The following FAF1 variants were observed in gnomAD, a reference collection of about 807,000 sequenced individuals.
FAF1 encodes Fas associated factor 1, also known as FAS-associated factor 1.
Under a neutral mutation model 92.5 loss-of-function variants are expected in FAF1, and 25 were observed. The observed-to-expected ratio is 0.27, with a 90% confidence interval of 0.20 to 0.38. The LOEUF (loss-of-function observed/expected upper bound fraction) is 0.38, where lower values mean the gene tolerates loss of function less well. Ranked by LOEUF, FAF1 falls within the 10% of genes least tolerant of loss-of-function variation. The pLI is 1.00. For missense variants in FAF1, 636 were observed against 793.3 expected (o/e 0.80, Z 2.38); for synonymous variants, 234 against 273.2 (o/e 0.86, Z 1.42).
chr1:50,924,163 A>G (rs1644986599), intron 1 of FAF1, among the ~76,000 whole-genome samples: 1 of 152,196 alleles, frequency 6.6e-6, no homozygotes, highest in Non-Finnish European at 1.5e-5. Flanking sequence ...TACATATAGA[A>G]AACCTAACAC....
chr1:50,952,055 A>G (rs1210761360), intron 1 of FAF1, among the ~76,000 whole-genome samples: 2 of 152,360 alleles, frequency 1.3e-5, no homozygotes, highest in East Asian at 3.9e-4. Context: ...TCAAAGACCC[A>G]TGGTGATAAC....
chr1:50,644,051 C>A (rs181932484), intron 8 of FAF1, among the ~76,000 whole-genome samples: 17 of 152,272 alleles, frequency 1.1e-4, no homozygotes, highest in Admixed American at 3.9e-4. Context: ...ATGTCTGTTT[C>A]TTTTGACTGA....
rs1387648553 is a variant in FAF1, at chr1:50,550,732, C to A, written c.1269-11004G>T. 2.0e-5 allele frequency among the ~76,000 whole-genome samples: 3 copies of A among 152,162 alleles called. No individual in the cohort carries two copies. The East Asian group carries it at 5.8e-4, about 29-fold the overall frequency. The stretch of plus-strand genomic sequence containing the variant: ...TACAGGGGATTTATATTTTAAAAAA[C>A]TATTTAAAATAATCTGTCTTCTGCA... On this transcript the variant is annotated intron_variant, in intron 13 of 18. Transcript: ENST00000396153.
At chr1:50,457,942 G>A (rs898351393) in intron 18 of FAF1, among the ~76,000 whole-genome samples, 7 of 151,566 alleles carry the variant, frequency 4.6e-5, no homozygotes, top group East Asian at 1.9e-4. Context: ...GACCGGGCGC[G>A]GTGGCTCACA....
chr1:50,798,034 A>G (rs1661827833), intron 3 of FAF1, among the ~76,000 whole-genome samples: 1 of 152,086 alleles, frequency 6.6e-6, no homozygotes, highest in African/African-American at 2.4e-5. Context: ...TCAATTCTTT[A>G]AAGTCCATGC....
intron 1 of FAF1, among the ~76,000 whole-genome samples, chr1:50,952,571 C>T (rs10158708): frequency 6.6e-6 from 1 of 152,108 alleles, no homozygotes. Flanking sequence ...GGCCACCCAT[C>T]GTCTGGGATG....
At chr1:50,455,416 T>C (rs915879770) in intron 18 of FAF1, among the ~76,000 whole-genome samples, 1 of 152,234 alleles carries the variant, frequency 6.6e-6, no homozygotes, top group Non-Finnish European at 1.5e-5. Context: ...CCTTGGCTTA[T>C]AGAAGCCTCC....
At chr1:50,917,567 CAAGGAAAGGAAAAAGGAAAGGA>C (rs900408537) in intron 1 of FAF1, among the ~76,000 whole-genome samples, 1 of 139,972 alleles carries the variant, frequency 7.1e-6, no homozygotes, top group African/African-American at 2.7e-5. Flanking sequence ...AGTTAGAAGC[CAAGGAAAGGAAAAAGGAAAGGA>C]AAAGAAAGGA....
intron 4 of FAF1, among the ~76,000 whole-genome samples, chr1:50,750,502 A>T (rs1659812293): frequency 6.6e-6 from 1 of 152,072 alleles, no homozygotes; most frequent in Admixed American, 6.6e-5. Flanking sequence ...CTTTCCTCAT[A>T]CATTCTTAGA....
At chr1:50,783,593 G>T (rs1473335265) in intron 4 of FAF1, among the ~76,000 whole-genome samples, 1 of 152,150 alleles carries the variant, frequency 6.6e-6, no homozygotes, top group Non-Finnish European at 1.5e-5. Context: ...AAAAAAATCG[G>T]CCAGGCGCGG....
Position 50,567,216 on chromosome 1 carries a change from TA to T in FAF1, c.1128del (p.Ile377SerfsTer10). The part of the protein sequence containing the change: ...YVKARDRKLL[A>X]IYLHHDESVL... Reference sequence around the variant, plus strand: ...ACACTTTCATCATGGTGGAGGTAGATAGCAAGAAGCTTTCTCTGAAAAGAGG... The same window carrying T: ...ACACTTTCATCATGGTGGAGGTAGATGCAAGAAGCTTTCTCTGAAAAGAGG... On this transcript the variant is annotated frameshift_variant, in exon 13 of 19. Coordinates refer to ENST00000396153, the MANE Select transcript of FAF1 (RefSeq NM_007051.3). LOFTEE classifies it high-confidence loss of function. 6.2e-7 allele frequency: 1 copy of T among 1,600,956 alleles called. No homozygotes were observed. The highest frequency in any genetic ancestry group is 8.5e-7 in the Non-Finnish European group (1 of 1,173,486).
chr1:50,748,352 C>A (rs1210108672), intron 4 of FAF1, among the ~76,000 whole-genome samples: 2 of 151,974 alleles, frequency 1.3e-5, no homozygotes, highest in South Asian at 2.1e-4. Flanking sequence ...AAAAAATTAG[C>A]CAGGCGTGGT....
chr1:50,499,796 C>G (rs377131911), intron 15 of FAF1, among the ~76,000 whole-genome samples: 1 of 151,940 alleles, frequency 6.6e-6, no homozygotes, highest in African/African-American at 2.4e-5. Flanking sequence ...GGAGAAAGAA[C>G]AAAGAAATTT....
intron 8 of FAF1, among the ~76,000 whole-genome samples, chr1:50,617,873 G>A (rs1653002264): frequency 6.6e-6 from 1 of 151,904 alleles, no homozygotes; most frequent in African/African-American, 2.4e-5. Flanking sequence ...ATTTCTTCCT[G>A]ATTCAACCTT....
chr1:50,837,362 T>C (rs935069897), intron 2 of FAF1, among the ~76,000 whole-genome samples: 2 of 152,166 alleles, frequency 1.3e-5, no homozygotes, highest in African/African-American at 4.8e-5. Flanking sequence ...TGGAACAACT[T>C]CCCCACCTTT....
chr1:50,634,484 G>A (rs889701374), intron 8 of FAF1, among the ~76,000 whole-genome samples: 22 of 152,178 alleles, frequency 1.4e-4, no homozygotes, highest in African/African-American at 4.8e-4. Flanking sequence ...ATGTTAGCTT[G>A]CAAACACAAA....
chr1:50,525,920 A>C (rs1450196954), intron 15 of FAF1, among the ~76,000 whole-genome samples: 1 of 152,184 alleles, frequency 6.6e-6, no homozygotes, highest in East Asian at 1.9e-4. Context: ...TTCATTGGTA[A>C]AGAAGCTGAC....
chr1:50,521,225 C>T (rs139764105), intron 15 of FAF1, among the ~76,000 whole-genome samples: 9 of 152,002 alleles, frequency 5.9e-5, no homozygotes, highest in Non-Finnish European at 1.0e-4. Flanking sequence ...AGTAGTAGTC[C>T]CTCAGTTTAG....
intron 13 of FAF1, among the ~76,000 whole-genome samples, chr1:50,550,185 C>G (rs183454687): frequency 6.6e-6 from 1 of 151,630 alleles, no homozygotes; most frequent in Non-Finnish European, 1.5e-5. Flanking sequence ...CCCCTCTCTA[C>G]TAAAAATACA....
Sources: allele counts gnomAD v4.1 joint callset (sites outside exome capture counted in the v4.1 genomes callset), GRCh38; gene constraint gnomAD v4.1.1; transcripts MANE v1.5; gene names NCBI Gene and HGNC (gene_info 2026-07-23, HGNC 2026-07-21).